PRSS23: variants seen among roughly 807,000 people sequenced by gnomAD.
The protein encoded by PRSS23 is serine protease 23, also known as protease, serine 23.
PRSS23 carries 25 observed loss-of-function variants against 34.7 expected under a neutral mutation model. The ratio of observed to expected loss-of-function variants is 0.72; its 90% CI spans 0.53 to 1.01. PRSS23 has a LOEUF of 1.01. Among genes scored for constraint, PRSS23 ranks in the 50% least tolerant of loss-of-function variants. PRSS23 has a pLI of 0.00. For missense variants in PRSS23, 445 were observed against 475.6 expected (o/e 0.94, Z 0.60); for synonymous variants, 176 against 186.6 (o/e 0.94, Z 0.46).
intron 2 of PRSS23, among the ~76,000 whole-genome samples, chr11:86,841,158 G>A (rs905457126): frequency 2.0e-5 from 3 of 152,096 alleles, no homozygotes; most frequent in Admixed American, 6.6e-5. Context: ...TGACCAACAT[G>A]GAGATACTCC....
intron 2 of PRSS23, among the ~76,000 whole-genome samples, chr11:86,938,672 C>T (rs1949180705): frequency 7.2e-6 from 1 of 138,552 alleles, no homozygotes; most frequent in African/African-American, 2.7e-5. Context: ...TAAGGAGCTC[C>T]TTCCTGGGGG....
chr11:86,949,672 T>C (rs2135037382), intron 2 of PRSS23: 1 of 152,806 alleles, frequency 6.5e-6, no homozygotes, highest in Non-Finnish European at 1.5e-5. Flanking sequence ...TATGCATAAA[T>C]TTTAAAAGCT....
At chr11:86,813,689 ATAT>A (rs144553852), downstream of PRSS23, among the ~76,000 whole-genome samples, 12,026 of 152,268 alleles carry the variant, frequency 0.079, 684 homozygotes, top group Non-Finnish European at 0.12. Flanking sequence ...TAATATATTT[ATAT>A]TAACAGCCAT....
Position 86,831,052 on chromosome 11 carries a change from C to T in PRSS23, c.206+7459C>T, listed in dbSNP as rs1373609540. Reference sequence around the variant, plus strand: ...CCTAGGGGGATGTTTCTCCTAATGTCAACGGGGTTTACAACTTGTAATACT... The same window carrying T: ...CCTAGGGGGATGTTTCTCCTAATGTTAACGGGGTTTACAACTTGTAATACT... On this transcript the variant is annotated intron_variant, in intron 2 of 2. Transcript: ENST00000533902. 3.9e-5 allele frequency among the ~76,000 whole-genome samples: 6 copies of T among 152,004 alleles called. 1 individual carries two copies. The South Asian group carries it at 1.2e-3, about 32-fold the overall frequency.
chr11:86,948,613 G>A (rs1338699941), intron 2 of PRSS23: 1 of 152,200 alleles, frequency 6.6e-6, no homozygotes, highest in South Asian at 2.1e-4. Flanking sequence ...CAAGAGATTT[G>A]TGGAAAAGGC....
At chr11:86,835,261 G>A (rs1948395755) in intron 2 of PRSS23, among the ~76,000 whole-genome samples, 1 of 152,168 alleles carries the variant, frequency 6.6e-6, no homozygotes, top group Non-Finnish European at 1.5e-5. Flanking sequence ...TATTTTAACT[G>A]CTTCAGATAC....
At chr11:86,814,363 AGAG>A (rs34968040), downstream of PRSS23, among the ~76,000 whole-genome samples, 8 of 151,556 alleles carry the variant, frequency 5.3e-5, no homozygotes, top group East Asian at 7.9e-4. Context: ...AGAAGGAGGA[AGAG>A]GAGGAGGAGG....
At chr11:86,936,702 G>C (rs949408931) in intron 2 of PRSS23, 1 of 152,112 alleles carries the variant, frequency 6.6e-6, no homozygotes, top group African/African-American at 2.4e-5. Flanking sequence ...CCAAGAGTTT[G>C]AGACCAGCCT....
At position 86,810,668 on chromosome 11, in the gene PRSS23, T is replaced by G. The variant is rs539218846; in HGVS notation, c.*1873T>G. On this transcript the variant is annotated 3_prime_UTR_variant, in exon 2 of 2. Transcript: ENST00000280258. ...TTTTTAAAAAAATAGATGTTCCTTT[T>G]GTGAAGCACCTTGATTCCTTGATTT... 43 of 167,188 alleles carry G rather than the reference T, an allele frequency of 2.6e-4. No individual in the cohort carries two copies. The highest frequency in any genetic ancestry group is 1.0e-3 in the African/African-American group (42 of 41,592). 10.4% of individuals were successfully genotyped at this position (167,188 alleles called of 1,614,324 possible). A position where few individuals can be genotyped will look rare whatever the true frequency, so the allele number is the denominator to read the frequency against.
At chr11:86,891,760 C>T (rs929391446) in intron 2 of PRSS23, among the ~76,000 whole-genome samples, 2 of 152,098 alleles carry the variant, frequency 1.3e-5, no homozygotes, top group African/African-American at 2.4e-5. Context: ...ATCATGGGGG[C>T]AGTTTCCCCC....
At chr11:86,800,097 G>A (rs1294946552), upstream of PRSS23, 1 of 152,378 alleles carries the variant, frequency 6.6e-6, no homozygotes, top group Non-Finnish European at 1.5e-5. Context: ...CTAGTTCTAG[G>A]CTGTTGGGGG....
chr11:86,864,027 A>G (rs1475672186), intron 2 of PRSS23, among the ~76,000 whole-genome samples: 1 of 152,196 alleles, frequency 6.6e-6, no homozygotes, highest in African/African-American at 2.4e-5. Flanking sequence ...ATTTATTTGG[A>G]ATTGACTCTG....
chr11:86,843,654 C>G (rs1565363624), intron 2 of PRSS23, among the ~76,000 whole-genome samples: 1 of 152,124 alleles, frequency 6.6e-6, no homozygotes, highest in African/African-American at 2.4e-5. Flanking sequence ...AGCCAACAGA[C>G]ATATGAAAAA....
chr11:86,952,486 A>C (rs1158738640), exon 3 of PRSS23: 1 of 1,609,518 alleles, frequency 6.2e-7, no homozygotes, highest in Non-Finnish European at 8.5e-7. Flanking sequence ...AAAGTAACAA[A>C]ATGAACACAC....
intron 2 of PRSS23, among the ~76,000 whole-genome samples, chr11:86,903,456 A>G (rs1730799154): frequency 6.6e-6 from 1 of 150,702 alleles, no homozygotes; most frequent in Admixed American, 6.6e-5. Flanking sequence ...TTGTTCCTTA[A>G]GTATTGTAAT....
At chr11:86,805,880 T>G (rs1329925597) in intron 1 of PRSS23, among the ~76,000 whole-genome samples, 1 of 152,212 alleles carries the variant, frequency 6.6e-6, no homozygotes, top group Non-Finnish European at 1.5e-5. Flanking sequence ...ACAAAACAGT[T>G]TCTTCCTAAC....
exon 3 of PRSS23, chr11:86,951,275 C>T: frequency 6.2e-7 from 1 of 1,614,188 alleles, no homozygotes; most frequent in East Asian, 2.2e-5. Context: ...AGACCAAATC[C>T]ACATGCCTGA....
intron 2 of PRSS23, among the ~76,000 whole-genome samples, chr11:86,920,704 A>G (rs1949042546): frequency 6.6e-6 from 1 of 151,782 alleles, no homozygotes; most frequent in Admixed American, 6.6e-5. Flanking sequence ...TACTGACTCA[A>G]TTCCCTCCCC....
chr11:86,833,473 GTATATATA>G, intron 2 of PRSS23: 1 of 358,890 alleles, frequency 2.8e-6, no homozygotes, highest in South Asian at 2.6e-5. Flanking sequence ...GTTCGGACAT[GTATATATA>G]TATATATATT....
Sources: allele counts gnomAD v4.1 joint callset (sites outside exome capture counted in the v4.1 genomes callset), GRCh38; gene constraint gnomAD v4.1.1; transcripts MANE v1.5; gene names NCBI Gene and HGNC (gene_info 2026-07-23, HGNC 2026-07-21).